Variants in ENTREP2 observed in about 807,000 individuals in gnomAD.
The protein encoded by ENTREP2 is endosomal transmembrane epsin interactor 2.
the ENTREP2 span, among the ~76,000 whole-genome samples, chr15:29,144,994 T>C: frequency 6.6e-6 from 1 of 152,160 alleles, no homozygotes. Context: ...AGGTGGAGGA[T>C]GCAGTCAGCT....
chr15:29,614,419 T>G, the ENTREP2 span: 1 of 152,638 alleles, frequency 6.6e-6, no homozygotes, highest in Admixed American at 6.5e-5. Context: ...AGTAGTCGTG[T>G]TTGCTGCCTT....
the ENTREP2 span, among the ~76,000 whole-genome samples, chr15:29,602,233 A>G: frequency 6.6e-6 from 1 of 152,314 alleles, no homozygotes; most frequent in Admixed American, 6.5e-5. Flanking sequence ...TGCTCACCCC[A>G]AGCACCTACT....
chr15:29,614,472 T>C, the ENTREP2 span, among the ~76,000 whole-genome samples: 1 of 152,176 alleles, frequency 6.6e-6, no homozygotes, highest in Non-Finnish European at 1.5e-5. Context: ...GAGCAGTGCC[T>C]GGTACATAGT....
At chr15:29,538,351 A>G in the ENTREP2 span, among the ~76,000 whole-genome samples, 3 of 152,172 alleles carry the variant, frequency 2.0e-5, no homozygotes, top group Non-Finnish European at 4.4e-5. Flanking sequence ...AAGGAAGGAG[A>G]GAAGAGCCAG....
chr15:29,623,955 C>G, the ENTREP2 span, among the ~76,000 whole-genome samples: 1 of 152,168 alleles, frequency 6.6e-6, no homozygotes, highest in Non-Finnish European at 1.5e-5. Flanking sequence ...TCAGGCTGGT[C>G]TTGAACTCCT....
the ENTREP2 span, among the ~76,000 whole-genome samples, chr15:29,433,860 CCT>C: frequency 6.6e-6 from 1 of 152,144 alleles, no homozygotes; most frequent in Non-Finnish European, 1.5e-5. Context: ...CCACCCTCAT[CCT>C]CTCATAAAGA....
the ENTREP2 span, among the ~76,000 whole-genome samples, chr15:29,388,486 T>C: frequency 6.6e-5 from 10 of 152,302 alleles, no homozygotes; most frequent in East Asian, 7.7e-4. Flanking sequence ...GGAGAGGACG[T>C]AGAGAAATAG....
At chr15:29,149,709 G>A in the ENTREP2 span, among the ~76,000 whole-genome samples, 4 of 152,180 alleles carry the variant, frequency 2.6e-5, no homozygotes, top group African/African-American at 9.7e-5. Context: ...GGGCGCCATG[G>A]CCACCCTCTG....
At chr15:29,509,477 G>A in the ENTREP2 span, among the ~76,000 whole-genome samples, 1 of 151,974 alleles carries the variant, frequency 6.6e-6, no homozygotes, top group Non-Finnish European at 1.5e-5. Flanking sequence ...AAAGCTGGAG[G>A]GCATCACGCT....
At chr15:29,129,637 C>A in the ENTREP2 span, among the ~76,000 whole-genome samples, 73 of 152,312 alleles carry the variant, frequency 4.8e-4, no homozygotes, top group East Asian at 0.012. Flanking sequence ...CATGAGCTAC[C>A]ACGCCCTGCT....
the ENTREP2 span, among the ~76,000 whole-genome samples, chr15:29,627,228 T>C: frequency 6.6e-6 from 1 of 152,108 alleles, no homozygotes; most frequent in Non-Finnish European, 1.5e-5. Context: ...AAGTATACAA[T>C]TCAGTGGTAT....
the ENTREP2 span, among the ~76,000 whole-genome samples, chr15:29,338,072 T>C: frequency 6.6e-6 from 1 of 152,098 alleles, no homozygotes; most frequent in African/African-American, 2.4e-5. Flanking sequence ...TCATCATACA[T>C]GTACGTATAT....
chr15:29,451,747 C>CA, the ENTREP2 span, among the ~76,000 whole-genome samples: 2 of 152,218 alleles, frequency 1.3e-5, no homozygotes, highest in African/African-American at 4.8e-5. Context: ...CTATCACAGC[C>CA]ACTGTCCTGC....
At chr15:29,478,444 C>A in the ENTREP2 span, among the ~76,000 whole-genome samples, 1 of 152,028 alleles carries the variant, frequency 6.6e-6, no homozygotes, top group South Asian at 2.1e-4. Flanking sequence ...CTTTAAAGTG[C>A]GTGTGTGATG....
the ENTREP2 span, among the ~76,000 whole-genome samples, chr15:29,562,630 A>C: frequency 6.6e-6 from 1 of 152,214 alleles, no homozygotes; most frequent in Non-Finnish European, 1.5e-5. Flanking sequence ...AAACAATATT[A>C]AGACAGAGTT....
the ENTREP2 span, among the ~76,000 whole-genome samples, chr15:29,476,965 C>G: frequency 1.3e-5 from 2 of 152,250 alleles, no homozygotes. Flanking sequence ...AGGCCACGTA[C>G]GAGAATGTGT....
chr15:29,481,655 C>A, the ENTREP2 span, among the ~76,000 whole-genome samples: 1 of 152,192 alleles, frequency 6.6e-6, no homozygotes, highest in East Asian at 1.9e-4. Flanking sequence ...CATAGCCTGG[C>A]TAAGTGCACT....
chr15:29,321,375 C>T, the ENTREP2 span, among the ~76,000 whole-genome samples: 4 of 152,078 alleles, frequency 2.6e-5, no homozygotes, highest in South Asian at 2.1e-4. Flanking sequence ...AGAGGCTGGG[C>T]GCGGTGGCTC....
chr15:29,224,917 G>A, the ENTREP2 span, among the ~76,000 whole-genome samples: 3 of 152,182 alleles, frequency 2.0e-5, no homozygotes, highest in Admixed American at 6.5e-5. Context: ...ATGGCGGGCT[G>A]CAGGTCCGGA....
Sources: allele counts gnomAD v4.1 joint callset (sites outside exome capture counted in the v4.1 genomes callset), GRCh38; gene constraint gnomAD v4.1.1; transcripts MANE v1.5; gene names NCBI Gene and HGNC (gene_info 2026-07-23, HGNC 2026-07-21).